Variants in TMEM232 observed in about 807,000 individuals in gnomAD.
The protein encoded by TMEM232 is transmembrane protein 232.
A neutral mutation model predicts 78.8 loss-of-function variants in TMEM232; 80 were observed. That is an observed-to-expected ratio of 1.01 (90% CI 0.85 to 1.22). The LOEUF (loss-of-function observed/expected upper bound fraction) is 1.22, where lower values mean the gene tolerates loss of function less well. Ranked by LOEUF, TMEM232 falls within the 50% of genes most tolerant of loss-of-function variation. TMEM232 has a pLI of 0.00. For missense variants in TMEM232, 881 were observed against 742.2 expected, an observed-to-expected ratio of 1.19 and a Z score of -2.17; for synonymous variants, 297 against 254.3, an observed-to-expected ratio of 1.17 and a Z score of -1.60.
At chr5:110,556,163 G>C (rs1224100694) in intron 11 of TMEM232, among the ~76,000 whole-genome samples, 1 of 152,014 alleles carries the variant, frequency 6.6e-6, no homozygotes, top group African/African-American at 2.4e-5. Context: ...AGGACTTCTT[G>C]TAAGGCAGGT....
chr5:110,576,915 C>T (rs1333944235), intron 10 of TMEM232, among the ~76,000 whole-genome samples: 1 of 151,934 alleles, frequency 6.6e-6, no homozygotes, highest in African/African-American at 2.4e-5. Context: ...ACTGTAAGAC[C>T]CAAAACTATG....
At chr5:110,550,186 T>G (rs1774279495) in intron 11 of TMEM232, among the ~76,000 whole-genome samples, 1 of 152,180 alleles carries the variant, frequency 6.6e-6, no homozygotes, top group South Asian at 2.1e-4. Flanking sequence ...AGTAACAGAA[T>G]TATGGAAAAA....
intron 12 of TMEM232, among the ~76,000 whole-genome samples, 183 bp downstream of exon 12, chr5:110,528,405 A>G (rs567826798): frequency 6.6e-5 from 10 of 152,070 alleles, no homozygotes; most frequent in Admixed American, 1.3e-4. Context: ...ATAAATATGA[A>G]AAAAGAGTTT....
intron 12 of TMEM232, among the ~76,000 whole-genome samples, chr5:110,519,481 G>C (rs1047613285): frequency 3.3e-5 from 5 of 152,134 alleles, no homozygotes; most frequent in African/African-American, 1.2e-4. Flanking sequence ...ATGAATGTTG[G>C]TGAGGATGTG....
rs1321980695 is a variant in TMEM232 at position 110,452,232 on chromosome 5, A to T, written c.1704-27316T>A. Among the ~76,000 whole-genome samples, 5 of 152,172 alleles carry T rather than the reference A, an allele frequency of 3.3e-5. No homozygotes were observed. The East Asian group carries it at 7.7e-4, about 23-fold the overall frequency. On this transcript the variant is annotated intron_variant, in intron 12 of 13. Transcript: ENST00000455884. ...TTTATAGTAAACAGATAATAAAATA[A>T]TAATTATATATTGGGTGGGTAAAAT...
At chr5:110,439,590 C>T (rs1758806951) in intron 12 of TMEM232, among the ~76,000 whole-genome samples, 3 of 152,128 alleles carry the variant, frequency 2.0e-5, no homozygotes, top group South Asian at 4.2e-4. Flanking sequence ...GTTTCAGTCT[C>T]GCTTTTCCTT....
intron 2 of TMEM232, among the ~76,000 whole-genome samples, chr5:110,656,068 ATACTT>A (rs1474074622): frequency 6.6e-6 from 1 of 152,024 alleles, no homozygotes; most frequent in Non-Finnish European, 1.5e-5. Flanking sequence ...AAAAAAAACA[ATACTT>A]TAATTGGCTG....
chr5:110,715,645 G>A (rs1796935233), intron 1 of TMEM232, among the ~76,000 whole-genome samples: 1 of 152,042 alleles, frequency 6.6e-6, no homozygotes, highest in African/African-American at 2.4e-5. Flanking sequence ...AGCCCGCTTC[G>A]ACCCTAACCA....
At chr5:110,429,652 G>A (rs1008984113) in intron 12 of TMEM232, among the ~76,000 whole-genome samples, 1 of 151,668 alleles carries the variant, frequency 6.6e-6, no homozygotes, top group Non-Finnish European at 1.5e-5. Flanking sequence ...ATTATCCAAT[G>A]AGGGGAAGAT....
At chr5:110,406,604 C>G (rs551278396) in intron 2 of TMEM232, among the ~76,000 whole-genome samples, 1 of 152,008 alleles carries the variant, frequency 6.6e-6, no homozygotes, top group Non-Finnish European at 1.5e-5. Context: ...CACCACCAGA[C>G]TCATCTTGCA....
intron 1 of TMEM232, among the ~76,000 whole-genome samples, chr5:110,670,912 A>T (rs1791270019): frequency 6.6e-6 from 1 of 152,160 alleles, no homozygotes; most frequent in African/African-American, 2.4e-5. Context: ...TAATTTGGTA[A>T]ATCTAGTAAT....
chr5:110,405,726 C>A (rs1381891690), intron 2 of TMEM232, among the ~76,000 whole-genome samples: 4 of 136,424 alleles, frequency 2.9e-5, no homozygotes, highest in African/African-American at 5.6e-5. Flanking sequence ...CTGAAGGACA[C>A]AGTTTAAAAA....
intron 1 of TMEM232, among the ~76,000 whole-genome samples, chr5:110,688,332 A>G (rs1424763480): frequency 6.6e-6 from 1 of 152,212 alleles, no homozygotes; most frequent in Non-Finnish European, 1.5e-5. Flanking sequence ...TTCAGAAGAC[A>G]AAAGTAAAAA....
rs76942227 is a variant in TMEM232, at chr5:110,473,095, A to C, written c.1704-48179T>G. The stretch of plus-strand genomic sequence containing the variant: ...AAGGACAAATAAGATTATATCAAAC[A>C]TATCAAACTAAGAAACTTCTACACA... On this transcript the variant is annotated intron_variant, in intron 12 of 13. Transcript: ENST00000455884. 9.3e-3 allele frequency among the ~76,000 whole-genome samples: 1,408 copies of C among 151,778 alleles called. 24 individuals are homozygous for C. Among genetic ancestry groups the C allele is most frequent in the African/African-American group, 0.032 (1,335 of 41,524 alleles).
intron 12 of TMEM232, among the ~76,000 whole-genome samples, chr5:110,468,102 GA>G (rs1368602044): frequency 1.5e-4 from 22 of 146,558 alleles, no homozygotes; most frequent in Middle Eastern, 3.5e-3. Context: ...TTCATTGGAA[GA>G]AAAAAAAAGA....
intron 2 of TMEM232, among the ~76,000 whole-genome samples, chr5:110,657,068 T>C (rs1255757704): frequency 6.6e-6 from 1 of 152,140 alleles, no homozygotes; most frequent in African/African-American, 2.4e-5. Context: ...GGTCACAACA[T>C]TGAAAGCCAC....
At chr5:110,682,342 T>A (rs1019982870) in intron 1 of TMEM232, among the ~76,000 whole-genome samples, 9 of 152,118 alleles carry the variant, frequency 5.9e-5, no homozygotes, top group African/African-American at 1.9e-4. Flanking sequence ...TTGCTCTCCC[T>A]TTAAAATAAG....
chr5:110,590,087 G>C (rs898285932), intron 10 of TMEM232, among the ~76,000 whole-genome samples: 7 of 152,056 alleles, frequency 4.6e-5, no homozygotes, highest in Admixed American at 2.0e-4. Context: ...TCAACCAAAT[G>C]TTAAATGCAT....
chr5:110,440,124 G>A (rs1324013900), intron 12 of TMEM232, among the ~76,000 whole-genome samples: 1 of 152,186 alleles, frequency 6.6e-6, no homozygotes, highest in Non-Finnish European at 1.5e-5. Context: ...CTGGAAAGAT[G>A]AGTAGGAGTT....
Sources: gnomAD v4.1 joint callset for allele counts (sites outside exome capture counted in the v4.1 genomes callset) on GRCh38, gnomAD v4.1.1 for gene constraint, MANE v1.5 for transcripts, NCBI Gene and HGNC (gene_info 2026-07-23, HGNC 2026-07-21) for gene names.